ACYP2: variants seen among roughly 807,000 people sequenced by gnomAD.
ACYP2 encodes the protein acylphosphatase-2.
ACYP2 carries 12 observed loss-of-function variants against 11.2 expected under a neutral mutation model. That is an observed-to-expected ratio of 1.08 (90% confidence interval 0.69 to 1.74). ACYP2 has a LOEUF of 1.74. Among genes scored for constraint, ACYP2 ranks in the 40% most tolerant of loss-of-function variants. The probability of loss-of-function intolerance (pLI) is 0.00; values close to 1 mark genes in which losing one functional copy is unlikely to be tolerated. For missense variants in ACYP2, 134 were observed against 101.9 expected, an observed-to-expected ratio of 1.31 and a Z score of -1.35; for synonymous variants, 43 against 32.2, an observed-to-expected ratio of 1.33 and a Z score of -1.13.
chr2:53,975,499 T>A (rs767346265), intron 2 of ACYP2: 1 of 378,960 alleles, frequency 2.6e-6, no homozygotes, highest in African/African-American at 2.1e-5. Context: ...ACTTGTTATC[T>A]CTTGAAGGTC....
intron 2 of ACYP2, among the ~76,000 whole-genome samples, chr2:54,045,651 C>G (rs186792343): frequency 3.3e-4 from 50 of 151,274 alleles, no homozygotes; most frequent in Non-Finnish European, 6.5e-4. Flanking sequence ...CCTGTCTCTA[C>G]TAAAAACACA....
intron 6 of ACYP2, among the ~76,000 whole-genome samples, chr2:54,215,679 T>G (rs1324106143): frequency 6.6e-6 from 1 of 152,166 alleles, no homozygotes; most frequent in Non-Finnish European, 1.5e-5. Context: ...TAATTTCTTA[T>G]AAAACTGGAA....
At chr2:54,265,710 G>A (rs1182892713) in intron 6 of ACYP2, among the ~76,000 whole-genome samples, 1 of 152,164 alleles carries the variant, frequency 6.6e-6, no homozygotes, top group African/African-American at 2.4e-5. Context: ...GGTTAAGAGT[G>A]GTAAGTCCAA....
chr2:54,165,200 A>T (rs1196046969), intron 6 of ACYP2, among the ~76,000 whole-genome samples: 1 of 152,182 alleles, frequency 6.6e-6, no homozygotes, highest in African/African-American at 2.4e-5. Flanking sequence ...GAGACACTGT[A>T]TAGACTAGTT....
intron 4 of ACYP2, among the ~76,000 whole-genome samples, chr2:54,058,007 GA>G (rs1014045951): frequency 6.6e-6 from 1 of 152,164 alleles, no homozygotes; most frequent in Non-Finnish European, 1.5e-5. Flanking sequence ...ATCACACATA[GA>G]AAATAGGAGA....
chr2:53,985,643 C>G (rs954191808), intron 2 of ACYP2, among the ~76,000 whole-genome samples: 1 of 152,150 alleles, frequency 6.6e-6, no homozygotes, highest in African/African-American at 2.4e-5. Context: ...TGAAATACCA[C>G]TGCTTTAGTT....
intron 2 of ACYP2, among the ~76,000 whole-genome samples, chr2:54,023,871 A>G (rs535877647): frequency 2.6e-5 from 4 of 152,336 alleles, no homozygotes; most frequent in East Asian, 1.9e-4. Context: ...CAGACATTCA[A>G]AGAAGAAGTG....
intron 6 of ACYP2, among the ~76,000 whole-genome samples, chr2:54,140,846 C>T (rs1018845310): frequency 1.3e-4 from 19 of 151,980 alleles, no homozygotes; most frequent in African/African-American, 4.6e-4. Context: ...GCATAGGTTC[C>T]CAGGAGTGTG....
At chr2:54,081,904 C>G (rs1195389611) in intron 4 of ACYP2, among the ~76,000 whole-genome samples, 2 of 152,170 alleles carry the variant, frequency 1.3e-5, no homozygotes, top group Non-Finnish European at 2.9e-5. Context: ...GCTGAGGTAA[C>G]AGGGATGATT....
chr2:54,102,291 A>G (rs1009728535), intron 4 of ACYP2, among the ~76,000 whole-genome samples: 1 of 152,162 alleles, frequency 6.6e-6, no homozygotes, highest in Non-Finnish European at 1.5e-5. Flanking sequence ...TTGTTTTGGA[A>G]CTCTGTACAA....
Position 54,105,063 on chromosome 2 carries a change from TA to T in ACYP2, c.278-30389del, listed in dbSNP as rs544997468. ...GGGAAATATTCAGATGTTTTTTGAA[TA>T]CTATTTTGTTGAAAACAATTCAGGA... On this transcript the variant is annotated intron_variant, in intron 4 of 6. Transcript: ENST00000607452. 2.9e-3 allele frequency among the ~76,000 whole-genome samples: 447 copies of T among 152,328 alleles called. 3 individuals carry two copies. Among genetic ancestry groups the T allele is most frequent in the African/African-American group, 0.011 (441 of 41,574 alleles).
chr2:54,302,197 A>G (rs1036961294), intron 6 of ACYP2, among the ~76,000 whole-genome samples: 5 of 151,886 alleles, frequency 3.3e-5, no homozygotes, highest in African/African-American at 4.8e-5. Flanking sequence ...CATGGTTTCA[A>G]TTTCTCCCTT....
At chr2:54,133,442 C>A (rs977581946) in intron 4 of ACYP2, among the ~76,000 whole-genome samples, 18 of 151,950 alleles carry the variant, frequency 1.2e-4, no homozygotes, top group Non-Finnish European at 1.9e-4. Context: ...TGTCATTTGG[C>A]TTTTGAGTAC....
At chr2:54,025,166 C>T (rs1674214760) in intron 2 of ACYP2, among the ~76,000 whole-genome samples, 1 of 152,152 alleles carries the variant, frequency 6.6e-6, no homozygotes, top group African/African-American at 2.4e-5. Flanking sequence ...AATGACCATA[C>T]TGTCAAAAGC....
intron 2 of ACYP2, among the ~76,000 whole-genome samples, chr2:53,998,250 A>C (rs1672661947): frequency 6.6e-6 from 1 of 152,182 alleles, no homozygotes; most frequent in Non-Finnish European, 1.5e-5. Context: ...GTCCCCAGGA[A>C]TTGAAGAGTG....
intron 6 of ACYP2, chr2:54,255,422 T>C (rs746148817): frequency 7.4e-6 from 12 of 1,613,846 alleles, no homozygotes; most frequent in Admixed American, 1.7e-5. Flanking sequence ...TTGCGAATGA[T>C]GTCATTCCTC....
chr2:54,236,093 A>AT (rs529758708), intron 6 of ACYP2, among the ~76,000 whole-genome samples: 12 of 151,200 alleles, frequency 7.9e-5, no homozygotes, highest in Non-Finnish European at 3.0e-5. Context: ...GATTTCTGGA[A>AT]TTTTTTTTGT....
chr2:54,282,806 G>T (rs1188393998), intron 6 of ACYP2, among the ~76,000 whole-genome samples: 1 of 152,036 alleles, frequency 6.6e-6, no homozygotes, highest in African/African-American at 2.4e-5. Context: ...CCTCTGTATG[G>T]ACATATTCAC....
intron 6 of ACYP2, among the ~76,000 whole-genome samples, chr2:54,228,576 A>G (rs1686103093): frequency 6.6e-6 from 1 of 152,168 alleles, no homozygotes; most frequent in African/African-American, 2.4e-5. Flanking sequence ...ACCACCTCCC[A>G]TGAATTGATG....
Sources: allele counts gnomAD v4.1 joint callset (sites outside exome capture counted in the v4.1 genomes callset), GRCh38; gene constraint gnomAD v4.1.1; transcripts MANE v1.5; gene names NCBI Gene and HGNC (gene_info 2026-07-23, HGNC 2026-07-21).